The following PCDHGA7 variants were observed in gnomAD, a reference collection of about 807,000 sequenced individuals.
PCDHGA7 encodes the protein protocadherin gamma-A7.
In PCDHGA7, 44 loss-of-function variants were observed where a neutral mutation model predicts 58.3. The ratio of observed to expected loss-of-function variants is 0.75; its 90% confidence interval spans 0.59 to 0.97. The LOEUF (loss-of-function observed/expected upper bound fraction) is 0.97. Ranked by LOEUF, PCDHGA7 falls within the 50% of genes least tolerant of loss-of-function variation. PCDHGA7 has a pLI of 0.00. For synonymous variants in PCDHGA7, 516 were observed against 504.2 expected (o/e 1.02, Z -0.31); for missense variants, 1,266 against 1,188.7 (o/e 1.06, Z -0.96).
intron 1 of PCDHGA7, chr5:141,404,571 C>T: frequency 6.2e-7 from 1 of 1,613,720 alleles, no homozygotes; most frequent in Non-Finnish European, 8.5e-7. Flanking sequence ...AGTGGAAGCC[C>T]ACCACTTAGC....
Position 141,490,365 on chromosome 5 carries a change from A to G in PCDHGA7, c.2425-4442A>G. The G allele has an allele frequency of 6.2e-7, 1 of 1,614,170 alleles. No individual in the cohort carries two copies. The highest frequency in any genetic ancestry group is 8.5e-7 in the Non-Finnish European group (1 of 1,180,030). On this transcript the variant is annotated intron_variant, in intron 1 of 3. Coordinates refer to ENST00000518325, the MANE Select transcript of PCDHGA7 (RefSeq NM_018920.4). The surrounding 1 kb of genome is among the most constrained non-coding windows in gnomAD (Gnocchi z 5.4). ...CAGTAGTGGGGTTGTTTAATGTGCG[A>G]GACCGGGACTCAGGTAGAAATGGTG...
intron 1 of PCDHGA7, 196 bp downstream of exon 1, chr5:141,385,519 T>C (rs1781250310): frequency 2.9e-6 from 4 of 1,366,410 alleles, no homozygotes; most frequent in Admixed American, 3.4e-5. Flanking sequence ...TGAAAGCCTA[T>C]GGACAAGATT....
At chr5:141,399,037 G>A (rs756325508) in intron 1 of PCDHGA7, 2 of 1,613,856 alleles carry the variant, frequency 1.2e-6, no homozygotes, top group African/African-American at 2.7e-5. Context: ...AAAGAAACTG[G>A]ATTTTGAAGA....
intron 1 of PCDHGA7, chr5:141,418,394 T>C: frequency 6.2e-7 from 1 of 1,614,020 alleles, no homozygotes; most frequent in Non-Finnish European, 8.5e-7. Flanking sequence ...CGAGTATTTC[T>C]CATTGGTGGA....
intron 1 of PCDHGA7, chr5:141,415,428 G>C (rs948747218): frequency 1.2e-6 from 2 of 1,614,088 alleles, no homozygotes; most frequent in Non-Finnish European, 1.7e-6. Context: ...ACGGGGTTCG[G>C]GCTTTCCTGC....
rs994878374 is a variant in PCDHGA7, at chr5:141,491,785, C to T, written c.2425-3022C>T. ...TCCTCATAAGGGATTGAACTTGCAT[C>T]CACTCCTCTCCGGCCGGCTTGGTCG... is the stretch of plus-strand genomic sequence containing the variant. On this transcript the variant is annotated intron_variant, in intron 1 of 3. Transcript: ENST00000518325. The surrounding 1 kb of genome is among the most constrained non-coding windows in gnomAD (Gnocchi z 6.9). 20 of 1,529,458 alleles carry T rather than the reference C, an allele frequency of 1.3e-5. No individual in the cohort carries two copies. Among genetic ancestry groups the T allele is most frequent in the Non-Finnish European group, 1.8e-5 (20 of 1,139,198 alleles). The allele number at this position is 1,529,458 out of a possible 1,614,324, so 94.7% of individuals were successfully genotyped here. A position where few individuals can be genotyped will look rare whatever the true frequency, so the allele number is the denominator to read the frequency against.
chr5:141,476,756 C>T lies in PCDHGA7; in HGVS notation c.2425-18051C>T. On this transcript the variant is annotated intron_variant, in intron 1 of 3. Transcript: ENST00000518325. The surrounding 1 kb of genome is among the most constrained non-coding windows in gnomAD (Gnocchi z 7.6). ...ACGGGAGCCTAGTCTCCAGTTAGTGCTGACGGCGTTGGACGGAGGGACCCC... is the reference window on the plus strand; with the variant it reads ...ACGGGAGCCTAGTCTCCAGTTAGTGTTGACGGCGTTGGACGGAGGGACCCC... 3 of 1,613,928 alleles carry T rather than the reference C, an allele frequency of 1.9e-6. No homozygotes were observed. Among genetic ancestry groups the T allele is most frequent in the Non-Finnish European group, 2.5e-6 (3 of 1,180,010 alleles).
In PCDHGA7 at chr5:141,423,089, G is replaced by C. The variant is rs201821221; in HGVS notation, c.2424+37766G>C. The stretch of plus-strand genomic sequence containing the variant: ...AGCGAGCCGGGACTCTTCGCGGTGG[G>C]GGAGCACACGGGCGAGGTGCGTACA... On this transcript the variant is annotated intron_variant, in intron 1 of 3. Transcript: ENST00000518325. 4.0e-5 allele frequency: 65 copies of C among 1,614,016 alleles called. No individual in the cohort carries two copies. In the African/African-American group the frequency reaches 7.2e-4, roughly 18 times the overall value.
At chr5:141,422,415 A>C (rs1330043187) in intron 1 of PCDHGA7, 1 of 1,604,786 alleles carries the variant, frequency 6.2e-7, no homozygotes, top group Admixed American at 1.7e-5. Flanking sequence ...TTAAATTAGA[A>C]AAGACTTATG....
intron 1 of PCDHGA7, chr5:141,423,723 T>C: frequency 8.5e-7 from 1 of 1,174,478 alleles, no homozygotes; most frequent in Non-Finnish European, 1.1e-6. Context: ...TAAGGAGATG[T>C]TTTTTGAGCC....
chr5:141,481,181 G>C (rs1364223040), intron 1 of PCDHGA7, among the ~76,000 whole-genome samples: 1 of 152,154 alleles, frequency 6.6e-6, no homozygotes, highest in Non-Finnish European at 1.5e-5. Context: ...CAGCTTTATT[G>C]GGCCAGGCCC....
chr5:141,485,958 T>C lies in PCDHGA7; in HGVS notation c.2425-8849T>C. On this transcript the variant is annotated intron_variant, in intron 1 of 3. Transcript: ENST00000518325. The surrounding 1 kb of genome is among the most constrained non-coding windows in gnomAD (Gnocchi z 5.7). ...AGCGCACCAGCGGGCATGGTGCTCATCCAGCTCAATGCCTCAGACCCGGAC... is the reference window on the plus strand; with the variant it reads ...AGCGCACCAGCGGGCATGGTGCTCACCCAGCTCAATGCCTCAGACCCGGAC... 1 of 1,614,190 alleles carries C rather than the reference T, an allele frequency of 6.2e-7. No individual in the cohort carries two copies. The highest frequency in any genetic ancestry group is 8.5e-7 in the Non-Finnish European group (1 of 1,180,032).
At chr5:141,391,795 A>G (rs1220181718) in intron 1 of PCDHGA7, 2 of 152,206 alleles carry the variant, frequency 1.3e-5, no homozygotes, top group African/African-American at 4.8e-5. Context: ...GCAGTTTTTT[A>G]GATCAAAGTG....
chr5:141,499,533 G>T (rs2099792525), intron 2 of PCDHGA7, among the ~76,000 whole-genome samples: 1 of 152,086 alleles, frequency 6.6e-6, no homozygotes, highest in African/African-American at 2.4e-5. Flanking sequence ...AGAGAGAATG[G>T]TGTCATGAAC....
intron 1 of PCDHGA7, among the ~76,000 whole-genome samples, chr5:141,425,159 G>C (rs557552439): frequency 6.6e-6 from 1 of 152,126 alleles, no homozygotes; most frequent in South Asian, 2.1e-4. Context: ...AGCATCTAGG[G>C]ATAGGATTTA....
At chr5:141,428,019 G>C in intron 1 of PCDHGA7, 1 of 1,604,824 alleles carries the variant, frequency 6.2e-7, no homozygotes, top group Non-Finnish European at 8.5e-7. Flanking sequence ...AGTGCCACGC[G>C]CCGCAGAGTC....
At chr5:141,464,044 C>T (rs898632465) in intron 1 of PCDHGA7, among the ~76,000 whole-genome samples, 1 of 152,086 alleles carries the variant, frequency 6.6e-6, no homozygotes, top group African/African-American at 2.4e-5. Context: ...GCGGGTGGAT[C>T]ACCTGAGGTC....
rs750827454 is a variant in PCDHGA7, at chr5:141,394,736, C to T, written c.2424+9413C>T. The stretch of plus-strand genomic sequence containing the variant: ...TGGACAGAGATGCGCTCAAGCAGAG[C>T]CTCGTGGTGGCCGTCCAGGACCATG... On this transcript the variant is annotated intron_variant, in intron 1 of 3. Transcript: ENST00000518325. 13 of 1,613,338 alleles carry T rather than the reference C, an allele frequency of 8.1e-6. No homozygotes were observed. The African/African-American group carries it at 1.5e-4, about 18-fold the overall frequency.
chr5:141,420,840 TC>T (rs1453160032), intron 1 of PCDHGA7, among the ~76,000 whole-genome samples: 1 of 152,250 alleles, frequency 6.6e-6, no homozygotes, highest in Admixed American at 6.5e-5. Flanking sequence ...TCGCAGGTGT[TC>T]TTGGTAAAGT....
Sources: gnomAD v4.1 joint callset for allele counts (sites outside exome capture counted in the v4.1 genomes callset) on GRCh38, gnomAD v4.1.1 for gene constraint, Gnocchi (gnomAD v3.1) non-coding constraint, MANE v1.5 for transcripts, NCBI Gene and HGNC (gene_info 2026-07-23, HGNC 2026-07-21) for gene names.